GABRA3: variants seen among roughly 807,000 people sequenced by gnomAD.
GABRA3 encodes gamma-aminobutyric acid receptor subunit alpha-3.
GABRA3 carries 10 observed loss-of-function variants against 30.1 expected under a neutral mutation model. The observed-to-expected ratio is 0.33, with a 90% CI of 0.20 to 0.56. The LOEUF (loss-of-function observed/expected upper bound fraction) is 0.56. GABRA3 is among the 20% of genes least tolerant of loss of function. The pLI is 0.89. For missense variants in GABRA3, 233 were observed against 392.0 expected, an observed-to-expected ratio of 0.59 and a Z score of 3.42; for synonymous variants, 151 against 146.8, an observed-to-expected ratio of 1.03 and a Z score of -0.21.
At chrX:152,305,013 C>A (rs1328083523) in intron 3 of GABRA3, among the ~76,000 whole-genome samples, 1 of 111,285 alleles carries the variant, frequency 9.0e-6, no homozygotes, top group Non-Finnish European at 1.9e-5. Flanking sequence ...CAATTTTATT[C>A]TCATCAATCT....
intron 8 of GABRA3, among the ~76,000 whole-genome samples, chrX:152,193,503 T>A (rs757813109): frequency 7.1e-5 from 8 of 112,295 alleles, no homozygotes; most frequent in South Asian, 3.7e-4. Context: ...GATTTACATA[T>A]AAGTCTGGGT....
chrX:152,325,043 G>A (rs1221718013), intron 3 of GABRA3, among the ~76,000 whole-genome samples: 2 of 111,408 alleles, frequency 1.8e-5, no homozygotes, highest in African/African-American at 6.5e-5. Flanking sequence ...TAGCTTGAAA[G>A]CATCCAGAGT....
At chrX:152,326,883 G>T (rs982514076) in intron 3 of GABRA3, among the ~76,000 whole-genome samples, 10 of 111,183 alleles carry the variant, frequency 9.0e-5, no homozygotes, top group African/African-American at 2.6e-4. Flanking sequence ...TGGGCTAAAT[G>T]CTCCAATTGA....
chrX:152,388,677 G>C (rs748579526), intron 1 of GABRA3, among the ~76,000 whole-genome samples: 1 of 112,220 alleles, frequency 8.9e-6, no homozygotes, highest in Non-Finnish European at 1.9e-5. Context: ...AATAGTGCTG[G>C]AGCACACAAC....
At chrX:152,346,274 C>T (rs1262942172) in intron 2 of GABRA3, among the ~76,000 whole-genome samples, 1 of 111,526 alleles carries the variant, frequency 9.0e-6, no homozygotes, top group African/African-American at 3.3e-5. Flanking sequence ...GCTGGGAAAA[C>T]TGGATATCCA....
At chrX:152,183,665 T>G (rs944286608) in intron 9 of GABRA3, among the ~76,000 whole-genome samples, 1 of 111,613 alleles carries the variant, frequency 9.0e-6, no homozygotes, top group Non-Finnish European at 1.9e-5. Flanking sequence ...GAGATCTTTA[T>G]TCTTTTTTGA....
chrX:152,294,991 GTA>G (rs1479125469), intron 3 of GABRA3, among the ~76,000 whole-genome samples: 13 of 111,519 alleles, frequency 1.2e-4, no homozygotes, highest in Admixed American at 4.7e-4. Flanking sequence ...GTTTGCCTGG[GTA>G]TCACCAGTGG....
chrX:152,350,150 T>A (rs1940455920), intron 2 of GABRA3, among the ~76,000 whole-genome samples: 1 of 104,924 alleles, frequency 9.5e-6, no homozygotes, highest in African/African-American at 3.6e-5. Context: ...GGATTAAGAA[T>A]CTCACTCAAA....
chrX:152,209,042 G>C (rs1458329948), intron 6 of GABRA3, among the ~76,000 whole-genome samples: 1 of 111,772 alleles, frequency 8.9e-6, no homozygotes, highest in Non-Finnish European at 1.9e-5. Context: ...GCATATCAGA[G>C]AAAGCAAAAA....
intron 3 of GABRA3, among the ~76,000 whole-genome samples, chrX:152,296,057 C>A (rs996248901): frequency 8.9e-6 from 1 of 112,423 alleles, no homozygotes. Flanking sequence ...TAGTTCCTCA[C>A]AATGCCATTC....
At chrX:152,434,649 T>C (rs1372023967) in intron 1 of GABRA3, among the ~76,000 whole-genome samples, 3 of 110,664 alleles carry the variant, frequency 2.7e-5, no homozygotes. Flanking sequence ...AAACTGTAAA[T>C]AAAAATAAGC....
chrX:152,341,806 C>T (rs1433814800), intron 3 of GABRA3, among the ~76,000 whole-genome samples: 1 of 111,073 alleles, frequency 9.0e-6, no homozygotes, highest in Non-Finnish European at 1.9e-5. Flanking sequence ...TCCAAAAGTG[C>T]TGGGATTACA....
rs779808113 is a variant in GABRA3 at position 152,394,117 on chromosome X, T to C, written c.-26-29521A>G. Among the ~76,000 whole-genome samples, 4 of 111,491 alleles carry C rather than the reference T, an allele frequency of 3.6e-5. No homozygotes were observed. The South Asian group carries it at 1.5e-3, about 43-fold the overall frequency. On this transcript the variant is annotated intron_variant, in intron 1 of 9. Coordinates refer to ENST00000370314, the MANE Select transcript of GABRA3 (RefSeq NM_000808.4). Reference sequence around the variant, plus strand: ...TAAAAATATTTTATGTATAATAGCTTATACAATCCTCACAATAACCTTACT... The same window carrying C: ...TAAAAATATTTTATGTATAATAGCTCATACAATCCTCACAATAACCTTACT...
intron 5 of GABRA3, among the ~76,000 whole-genome samples, chrX:152,231,825 T>C (rs1355277000): frequency 8.9e-6 from 1 of 111,784 alleles, no homozygotes; most frequent in Non-Finnish European, 1.9e-5. Flanking sequence ...GGAATGTTAA[T>C]CATCAAGAAA....
At chrX:152,421,098 TACACACACACAC>T (rs60206606) in intron 1 of GABRA3, among the ~76,000 whole-genome samples, 34 of 95,005 alleles carry the variant, frequency 3.6e-4, no homozygotes, top group African/African-American at 1.2e-3. Context: ...TTACACATTA[TACACACACACAC>T]ACACACACAC....
intron 9 of GABRA3, among the ~76,000 whole-genome samples, chrX:152,183,474 A>G (rs759489494): frequency 1.1e-5 from 1 of 90,854 alleles, no homozygotes; most frequent in Non-Finnish European, 2.1e-5. Flanking sequence ...AGGTTTGTCT[A>G]TTTTGTTTAT....
rs1181455130 is a variant in GABRA3, at chrX:152,322,868, T to C, written c.262+22713A>G. 5.5e-5 allele frequency among the ~76,000 whole-genome samples: 5 copies of C among 90,791 alleles called. 1 individual carries two copies. The highest frequency in any genetic ancestry group is 8.2e-5 in the African/African-American group (2 of 24,479). The allele number at this position is 90,791 out of a possible 115,157, so 78.8% of individuals were successfully genotyped here. A position where few individuals can be genotyped will look rare whatever the true frequency, so the allele number is the denominator to read the frequency against. On this transcript the variant is annotated intron_variant, in intron 3 of 9. Coordinates refer to ENST00000370314, the MANE Select transcript of GABRA3 (RefSeq NM_000808.4). Reference sequence around the variant, plus strand: ...TCTTTTTTTTTTTTTTTTTTTTTTTTTTTGAGACAAAGTCTTGCTCTGTCA... The same window carrying C: ...TCTTTTTTTTTTTTTTTTTTTTTTTCTTTGAGACAAAGTCTTGCTCTGTCA...
At chrX:152,348,169 T>C (rs1940420000) in intron 2 of GABRA3, among the ~76,000 whole-genome samples, 1 of 111,643 alleles carries the variant, frequency 9.0e-6, no homozygotes. Flanking sequence ...CTCTTTCTTA[T>C]TCAGTAACTA....
At chrX:152,435,148 G>C (rs191062466) in intron 1 of GABRA3, among the ~76,000 whole-genome samples, 17 of 112,184 alleles carry the variant, frequency 1.5e-4, no homozygotes, top group African/African-American at 5.5e-4. Context: ...ATACTCATCT[G>C]TGTAGAAATT....
Sources: allele counts gnomAD v4.1 joint callset (sites outside exome capture counted in the v4.1 genomes callset), GRCh38; gene constraint gnomAD v4.1.1; transcripts MANE v1.5; gene names NCBI Gene and HGNC (gene_info 2026-07-23, HGNC 2026-07-21).